ITFG1: variants seen among roughly 807,000 people sequenced by gnomAD.
ITFG1 encodes the protein integrin alpha FG-GAP repeat containing 1.
ITFG1 carries 34 observed loss-of-function variants against 81.8 expected under a neutral mutation model. The ratio of observed to expected loss-of-function variants is 0.42; its 90% CI spans 0.32 to 0.55. The LOEUF (loss-of-function observed/expected upper bound fraction) is 0.55. ITFG1 is among the 20% of genes least tolerant of loss of function. The pLI is 0.17. For missense variants in ITFG1, 672 were observed against 755.4 expected (o/e 0.89, Z 1.29); for synonymous variants, 285 against 270.6 (o/e 1.05, Z -0.52).
At chr16:47,379,915 A>G (rs1410511408) in intron 6 of ITFG1, among the ~76,000 whole-genome samples, 1 of 152,090 alleles carries the variant, frequency 6.6e-6, no homozygotes, top group African/African-American at 2.4e-5. Flanking sequence ...GGCAAACACT[A>G]ATGCTAAGGA....
intron 17 of ITFG1, among the ~76,000 whole-genome samples, chr16:47,156,118 A>AT (rs1290837739): frequency 6.6e-6 from 1 of 152,176 alleles, no homozygotes; most frequent in African/African-American, 2.4e-5. Flanking sequence ...TTTTTCTGTC[A>AT]TTTTTAACAA....
At chr16:47,231,698 A>C (rs1393923074) in intron 13 of ITFG1, among the ~76,000 whole-genome samples, 1 of 152,158 alleles carries the variant, frequency 6.6e-6, no homozygotes, top group East Asian at 1.9e-4. Flanking sequence ...TAGCAGCTAA[A>C]CTTTTTGAGT....
intron 8 of ITFG1, among the ~76,000 whole-genome samples, chr16:47,325,036 T>A (rs551116265): frequency 6.6e-6 from 1 of 152,250 alleles, no homozygotes; most frequent in South Asian, 2.1e-4. Flanking sequence ...ATACATTCTT[T>A]TCAGCACCAC....
intron 10 of ITFG1, among the ~76,000 whole-genome samples, chr16:47,264,356 TG>T (rs1966248746): frequency 6.6e-6 from 1 of 152,178 alleles, no homozygotes. Context: ...TGAAGACTTT[TG>T]ATCCCTATAT....
At chr16:47,257,562 T>C (rs547366242) in intron 12 of ITFG1, among the ~76,000 whole-genome samples, 2 of 152,262 alleles carry the variant, frequency 1.3e-5, no homozygotes, top group South Asian at 4.1e-4. Flanking sequence ...GGAAGAGATA[T>C]CTACAAAAAC....
At chr16:47,300,693 A>G (rs1325908499) in intron 10 of ITFG1, among the ~76,000 whole-genome samples, 1 of 152,240 alleles carries the variant, frequency 6.6e-6, no homozygotes, top group Non-Finnish European at 1.5e-5. Flanking sequence ...TTAAAATAGA[A>G]GGCAGATGGC....
At chr16:47,419,189 T>C (rs1481637877) in intron 6 of ITFG1, among the ~76,000 whole-genome samples, 2 of 152,192 alleles carry the variant, frequency 1.3e-5, no homozygotes, top group Admixed American at 6.5e-5. Context: ...GTCTATGTTG[T>C]CCAAGGTGGA....
At chr16:47,189,092 C>T (rs939924638) in intron 14 of ITFG1, among the ~76,000 whole-genome samples, 3 of 152,170 alleles carry the variant, frequency 2.0e-5, no homozygotes, top group Non-Finnish European at 4.4e-5. Context: ...GAAGGTTCTT[C>T]TAATTTCTTT....
At chr16:47,323,411 T>C (rs1967478950) in intron 8 of ITFG1, among the ~76,000 whole-genome samples, 1 of 152,138 alleles carries the variant, frequency 6.6e-6, no homozygotes, top group East Asian at 1.9e-4. Flanking sequence ...AGTAATTTGA[T>C]TCTCTGTGCT....
intron 6 of ITFG1, among the ~76,000 whole-genome samples, chr16:47,403,529 T>C (rs1161276296): frequency 2.0e-5 from 3 of 152,070 alleles, no homozygotes; most frequent in Non-Finnish European, 4.4e-5. Flanking sequence ...AGAAAAGTTG[T>C]GAAAGATATT....
chr16:47,266,466 C>T (rs766727013), intron 10 of ITFG1, among the ~76,000 whole-genome samples: 7 of 152,192 alleles, frequency 4.6e-5, no homozygotes, highest in Non-Finnish European at 1.5e-5. Flanking sequence ...GATCTGCCCA[C>T]CTGGGCCTCC....
chr16:47,407,613 T>C (rs1968745580), intron 6 of ITFG1, among the ~76,000 whole-genome samples: 1 of 152,118 alleles, frequency 6.6e-6, no homozygotes, highest in African/African-American at 2.4e-5. Flanking sequence ...TCCGAACGTG[T>C]TGGGATTACA....
intron 10 of ITFG1, among the ~76,000 whole-genome samples, chr16:47,285,716 T>G (rs1251680779): frequency 6.6e-6 from 1 of 152,222 alleles, no homozygotes; most frequent in African/African-American, 2.4e-5. Context: ...ACTATTGTGG[T>G]GTGAGAGTAG....
intron 14 of ITFG1, among the ~76,000 whole-genome samples, chr16:47,191,980 T>G (rs1397231098): frequency 2.0e-5 from 3 of 152,152 alleles, no homozygotes; most frequent in Non-Finnish European, 2.9e-5. Context: ...TAATTTTTGT[T>G]ATTTCTCGAG....
intron 14 of ITFG1, among the ~76,000 whole-genome samples, chr16:47,179,269 C>T (rs915680507): frequency 6.6e-6 from 1 of 152,238 alleles, no homozygotes; most frequent in African/African-American, 2.4e-5. Flanking sequence ...TATAAAGACA[C>T]ATGCGCACAT....
At chr16:47,444,318 T>C (rs1321045395) in intron 5 of ITFG1, among the ~76,000 whole-genome samples, 1 of 152,230 alleles carries the variant, frequency 6.6e-6, no homozygotes, top group South Asian at 2.1e-4. Context: ...ATAATGCAGC[T>C]AAAATAATTT....
At chr16:47,402,430 C>T (rs1024595909) in intron 6 of ITFG1, among the ~76,000 whole-genome samples, 6 of 152,192 alleles carry the variant, frequency 3.9e-5, no homozygotes, top group African/African-American at 1.4e-4. Context: ...ATTATCCCCA[C>T]TTTTACAAAT....
chr16:47,307,833 T>C (rs1339947544), intron 10 of ITFG1, among the ~76,000 whole-genome samples: 3 of 152,158 alleles, frequency 2.0e-5, no homozygotes, highest in Non-Finnish European at 4.4e-5. Flanking sequence ...TGTCTACTGT[T>C]GGAATTTTTA....
chr16:47,346,907 T>C (rs1967863193), intron 8 of ITFG1, among the ~76,000 whole-genome samples: 1 of 152,174 alleles, frequency 6.6e-6, no homozygotes, highest in Non-Finnish European at 1.5e-5. Flanking sequence ...AAACTTATTC[T>C]ACAAGAACAA....
Sources: allele counts gnomAD v4.1 joint callset (sites outside exome capture counted in the v4.1 genomes callset), GRCh38; gene constraint gnomAD v4.1.1; transcripts MANE v1.5; gene names NCBI Gene and HGNC (gene_info 2026-07-23, HGNC 2026-07-21).